The following DTNA variants were observed in gnomAD, a reference collection of about 807,000 sequenced individuals.
DTNA encodes the protein dystrophin-related protein 3.
A neutral mutation model predicts 100.7 loss-of-function variants in DTNA; 43 were observed. That is an observed-to-expected ratio of 0.43 (90% CI 0.33 to 0.55). The LOEUF is 0.55. Ranked by LOEUF, DTNA falls within the 20% of genes least tolerant of loss-of-function variation. The probability of loss-of-function intolerance (pLI) is 0.04; values close to 1 mark genes in which losing one functional copy is unlikely to be tolerated. For missense variants in DTNA, 798 were observed against 953.9 expected (o/e 0.84, Z 2.15); for synonymous variants, 349 against 347.9 (o/e 1.00, Z -0.04).
At chr18:34,813,807 A>T (rs891405281) in intron 6 of DTNA, among the ~76,000 whole-genome samples, 1 of 146,320 alleles carries the variant, frequency 6.8e-6, no homozygotes, top group Non-Finnish European at 1.5e-5. Context: ...GTGCCACTGC[A>T]CTCCAGCCTG....
At chr18:34,617,680 A>G (rs1042237859) in intron 1 of DTNA, among the ~76,000 whole-genome samples, 3 of 152,168 alleles carry the variant, frequency 2.0e-5, no homozygotes, top group African/African-American at 7.2e-5. Flanking sequence ...ATGTTCTGGA[A>G]TAGTTTCAGT....
intron 1 of DTNA, among the ~76,000 whole-genome samples, chr18:34,699,159 G>GCACA (rs150179542): frequency 5.4e-5 from 8 of 149,524 alleles, no homozygotes; most frequent in South Asian, 2.1e-4. Context: ...ACTCACATGT[G>GCACA]CACACACACA....
chr18:34,667,765 G>A (rs1327448737), intron 1 of DTNA, among the ~76,000 whole-genome samples: 1 of 152,156 alleles, frequency 6.6e-6, no homozygotes, highest in East Asian at 1.9e-4. Context: ...TGCATCCCAG[G>A]GATGAAGCCA....
intron 17 of DTNA, among the ~76,000 whole-genome samples, chr18:34,872,612 T>C (rs1446480894): frequency 6.6e-6 from 1 of 152,234 alleles, no homozygotes; most frequent in Non-Finnish European, 1.5e-5. Flanking sequence ...AAATAAGAGA[T>C]TGTAGGCCTG....
At position 34,758,653 on chromosome 18, in the gene DTNA, C is replaced by A. The variant is rs1451080652; in HGVS notation, c.67+2610C>A. 2.0e-5 allele frequency among the ~76,000 whole-genome samples: 3 copies of A among 152,298 alleles called. No homozygotes were observed. In the East Asian group the frequency reaches 5.8e-4, roughly 29 times the overall value. On this transcript the variant is annotated intron_variant, in intron 2 of 22. Transcript: ENST00000444659. ...TATTATATTTCAAAGGGCTGGCACC[C>A]AGGTTCTTGAGAAAGACATTCCTGG...
At chr18:34,556,500 G>A (rs982514782) in intron 1 of DTNA, among the ~76,000 whole-genome samples, 46 of 151,688 alleles carry the variant, frequency 3.0e-4, no homozygotes, top group African/African-American at 5.3e-4. Flanking sequence ...ATTTTGCAGC[G>A]GCTGGTACCG....
chr18:34,509,211 G>A (rs1344569103), intron 1 of DTNA, among the ~76,000 whole-genome samples: 1 of 152,084 alleles, frequency 6.6e-6, no homozygotes, highest in Non-Finnish European at 1.5e-5. Flanking sequence ...ATTTTTAAAT[G>A]GTATAGCAGA....
At chr18:34,558,320 AC>A (rs1312023388) in intron 1 of DTNA, among the ~76,000 whole-genome samples, 2 of 151,992 alleles carry the variant, frequency 1.3e-5, no homozygotes, top group Non-Finnish European at 2.9e-5. Context: ...TGCAGAAATC[AC>A]CCGTCTTCTG....
intron 1 of DTNA, among the ~76,000 whole-genome samples, chr18:34,614,555 A>G (rs537676428): frequency 1.3e-5 from 2 of 152,276 alleles, no homozygotes; most frequent in East Asian, 3.9e-4. Flanking sequence ...CATTAACAGG[A>G]GTTTAGAAGA....
intron 1 of DTNA, among the ~76,000 whole-genome samples, chr18:34,619,635 G>A (rs1477659006): frequency 1.3e-5 from 2 of 152,120 alleles, no homozygotes; most frequent in African/African-American, 4.8e-5. Context: ...GGATGGTAAT[G>A]TCATCCACTG....
chr18:34,511,930 C>T (rs968725507), intron 1 of DTNA, among the ~76,000 whole-genome samples: 1 of 151,960 alleles, frequency 6.6e-6, no homozygotes, highest in Non-Finnish European at 1.5e-5. Context: ...CTTGAGCTTC[C>T]ACTAGCTCCA....
chr18:34,563,003 A>C (rs1027964051), intron 1 of DTNA, among the ~76,000 whole-genome samples: 1 of 152,232 alleles, frequency 6.6e-6, no homozygotes, highest in Non-Finnish European at 1.5e-5. Flanking sequence ...AATTTACCTA[A>C]TGAGTTACGG....
intron 1 of DTNA, chr18:34,557,835 C>G (rs1481078357): frequency 1.3e-5 from 2 of 152,320 alleles, no homozygotes; most frequent in Non-Finnish European, 2.9e-5. Flanking sequence ...TGTCTGTGCC[C>G]TGCCCCCAGA....
At chr18:34,815,815 T>G (rs1470597182) in intron 6 of DTNA, 94 bp from the exon 7 acceptor site, 34 of 1,074,756 alleles carry the variant, frequency 3.2e-5, no homozygotes, top group Non-Finnish European at 2.9e-6. Flanking sequence ...TATTGAGTGC[T>G]CTTTTGTTTC....
At chr18:34,761,282 A>T (rs2093151601) in intron 2 of DTNA, among the ~76,000 whole-genome samples, 3 of 152,210 alleles carry the variant, frequency 2.0e-5, no homozygotes, top group Admixed American at 2.0e-4. Flanking sequence ...ATATTTAAGA[A>T]TCAAAATGGC....
intron 1 of DTNA, chr18:34,573,961 A>G (rs1332230803): frequency 1.3e-5 from 2 of 152,634 alleles, no homozygotes; most frequent in African/African-American, 2.4e-5. Flanking sequence ...TGTGGCACTG[A>G]AATGTATTAG....
intron 3 of DTNA, among the ~76,000 whole-genome samples, chr18:34,768,436 T>A (rs1047685000): frequency 7.0e-5 from 10 of 142,012 alleles, no homozygotes. Flanking sequence ...ACACACTGTG[T>A]TGTCCCCACT....
In DTNA at chr18:34,888,609, ATCT is replaced by A. The variant is rs917354954; in HGVS notation, c.*880_*882del. 1.5e-5 allele frequency: 15 copies of A among 985,752 alleles called. No homozygotes were observed. The African/African-American group carries it at 2.1e-4, about 14-fold the overall frequency. The allele number at this position is 985,752 out of a possible 1,614,324, so 61.1% of individuals were successfully genotyped here. On this transcript the variant is annotated 3_prime_UTR_variant, in exon 23 of 23. Transcript: ENST00000444659. ...AATCTAGTTTTTAAAATCAGCACAG[ATCT>A]TCTTAAAAACTGTGAACTATGTTTT...
chr18:34,509,823 C>A (rs1008077823), intron 1 of DTNA, among the ~76,000 whole-genome samples: 2 of 151,982 alleles, frequency 1.3e-5, no homozygotes, highest in Non-Finnish European at 2.9e-5. Flanking sequence ...AATAAAAGTT[C>A]TCTAAATACC....
Sources: allele counts gnomAD v4.1 joint callset (sites outside exome capture counted in the v4.1 genomes callset), GRCh38; gene constraint gnomAD v4.1.1; transcripts MANE v1.5; gene names NCBI Gene and HGNC (gene_info 2026-07-23, HGNC 2026-07-21).